Variants in PRKAA2 observed in about 807,000 individuals in gnomAD.
PRKAA2 encodes the protein protein kinase AMP-activated catalytic subunit alpha 2.
PRKAA2 carries 40 observed loss-of-function variants against 56.3 expected under a neutral mutation model. The ratio of observed to expected loss-of-function variants is 0.71; its 90% CI spans 0.55 to 0.92. The LOEUF is 0.92. Ranked by LOEUF, PRKAA2 falls within the 40% of genes least tolerant of loss-of-function variation. The pLI is 0.00. For synonymous variants in PRKAA2, 214 were observed against 234.2 expected, an observed-to-expected ratio of 0.91 and a Z score of 0.79; for missense variants, 542 against 686.9, an observed-to-expected ratio of 0.79 and a Z score of 2.36.
intron 2 of PRKAA2, among the ~76,000 whole-genome samples, chr1:56,679,813 G>T (rs1644140622): frequency 6.6e-6 from 1 of 151,972 alleles, no homozygotes; most frequent in Non-Finnish European, 1.5e-5. Flanking sequence ...TTGCTATCCT[G>T]AGACAGCAAG....
chr1:56,654,023 T>C (rs528111614), intron 1 of PRKAA2, among the ~76,000 whole-genome samples: 1 of 152,134 alleles, frequency 6.6e-6, no homozygotes, highest in East Asian at 1.9e-4. Flanking sequence ...TGGGTCATTT[T>C]AAAGTCCTGG....
At chr1:56,670,451 G>C (rs1179450349) in intron 1 of PRKAA2, among the ~76,000 whole-genome samples, 1 of 152,166 alleles carries the variant, frequency 6.6e-6, no homozygotes, top group Non-Finnish European at 1.5e-5. Flanking sequence ...CTAGGCTTCA[G>C]GATGAAGGAA....
Position 56,715,315 on chromosome 1 carries a change from C to G in PRKAA2, c.*7602C>G, listed in dbSNP as rs1298014352. ...TTTTTCACAAAATCAAATTAAAAGT[C>G]TCTGATTCATTTGAAAGCTATTTTT... On this transcript the variant is annotated 3_prime_UTR_variant, in exon 9 of 9. Coordinates refer to ENST00000371244, the MANE Select transcript of PRKAA2 (RefSeq NM_006252.4). The G allele has an allele frequency of 1.3e-5, 2 of 152,086 alleles. No homozygotes were observed. Among genetic ancestry groups the G allele is most frequent in the Admixed American group, 1.3e-4 (2 of 15,258 alleles). 9.4% of individuals were successfully genotyped at this position (152,086 alleles called of 1,614,324 possible).
At chr1:56,693,728 ATATC>A (rs1644242499) in intron 4 of PRKAA2, 33 bp from the exon 5 acceptor site, 1 of 1,413,366 alleles carries the variant, frequency 7.1e-7, no homozygotes, top group Non-Finnish European at 9.8e-7. Context: ...ACTTTTAAAA[ATATC>A]TAGCACCAAG....
intron 1 of PRKAA2, among the ~76,000 whole-genome samples, chr1:56,650,606 A>C (rs913617813): frequency 1.3e-5 from 2 of 152,234 alleles, no homozygotes; most frequent in African/African-American, 4.8e-5. Context: ...TGCATTTTCA[A>C]GATGAGTAGT....
At chr1:56,703,860 A>G (rs79491346) in intron 6 of PRKAA2, 111 bp from the exon 7 acceptor site, 26,861 of 1,211,508 alleles carry the variant, frequency 0.022, 645 homozygotes, top group South Asian at 0.093. Context: ...TGGCAGAGCT[A>G]GGTCTAGAGA....
intron 3 of PRKAA2, among the ~76,000 whole-genome samples, chr1:56,692,028 A>ATTTTTTTTTTTTTTTTTTTTTTTTTTTT (rs397863487): frequency 8.9e-6 from 1 of 112,804 alleles, no homozygotes; most frequent in Non-Finnish European, 1.8e-5. Context: ...GATGTCTCAG[A>ATTTTTTTTTTTTTTTTTTTTTTTTTTTT]TTTTTTTTTT....
chr1:56,663,779 G>A (rs1644013002), intron 1 of PRKAA2, among the ~76,000 whole-genome samples: 2 of 152,024 alleles, frequency 1.3e-5, no homozygotes, highest in Admixed American at 6.6e-5. Flanking sequence ...TGTGAGGGTG[G>A]TCTGCTGCTA....
intron 2 of PRKAA2, among the ~76,000 whole-genome samples, chr1:56,689,897 G>GACAC (rs3034077): frequency 3.5e-4 from 51 of 147,134 alleles, no homozygotes; most frequent in African/African-American, 6.8e-4. Context: ...CAGACACACA[G>GACAC]ACACACACAC....
Position 56,703,991 on chromosome 1 carries a change from A to C in PRKAA2, c.809A>C (p.Gln270Pro). 1 of 1,609,936 alleles carries C rather than the reference A, an allele frequency of 6.2e-7. No homozygotes were observed. The highest frequency in any genetic ancestry group is 1.1e-5 in the South Asian group (1 of 90,130). Residue 270 changes from glutamine (Q) to proline (P), a missense_variant, in exon 7 of 9, where the codon CAA (glutamine) becomes CCA (proline). Transcript: ENST00000371244. Reference protein sequence around the residue: ...KDIREHEWFKQDLPSYLFPED... With the variant: ...KDIREHEWFKPDLPSYLFPED... ...CCTAGAGAGCATGAATGGTTTAAAC[A>C]AGATTTGCCCAGTTACTTATTTCCT...
intron 2 of PRKAA2, among the ~76,000 whole-genome samples, 159 bp from the exon 3 acceptor site, chr1:56,691,235 G>A (rs191446653): frequency 2.0e-5 from 3 of 152,268 alleles, no homozygotes; most frequent in East Asian, 3.9e-4. Context: ...GTAATGGTCC[G>A]TGTTTATTGC....
At chr1:56,663,228 G>C (rs79697822) in intron 1 of PRKAA2, among the ~76,000 whole-genome samples, 59 of 152,264 alleles carry the variant, frequency 3.9e-4, no homozygotes, top group African/African-American at 1.4e-3. Flanking sequence ...TGAGACTGTA[G>C]GCCTGTGCCA....
intron 6 of PRKAA2, among the ~76,000 whole-genome samples, chr1:56,699,027 G>A (rs1644276801): frequency 6.6e-6 from 1 of 152,144 alleles, no homozygotes; most frequent in Non-Finnish European, 1.5e-5. Flanking sequence ...TTAGCTATGT[G>A]CAACTTAGTT....
chr1:56,678,184 A>G (rs552217031), intron 2 of PRKAA2, among the ~76,000 whole-genome samples: 1 of 152,386 alleles, frequency 6.6e-6, no homozygotes, highest in Admixed American at 6.5e-5. Flanking sequence ...TAATTCATTC[A>G]GCCACATTGC....
chr1:56,703,618 C>CT (rs1159378579), intron 6 of PRKAA2, among the ~76,000 whole-genome samples: 1 of 152,160 alleles, frequency 6.6e-6, no homozygotes, highest in Non-Finnish European at 1.5e-5. Flanking sequence ...ATCAGAAAGT[C>CT]TTTAAGTATT....
At position 56,704,036 on chromosome 1, in the gene PRKAA2, C is replaced by T. The variant is rs746162985; in HGVS notation, c.854C>T (p.Ala285Val). ...YLFPEDPSYD[A>V]NVIDDEAVKE... ...TTTCCTGAAGACCCTTCCTATGATGCTAACGTCATTGATGATGAGGCTGTG... is the reference window on the plus strand; with the variant it reads ...TTTCCTGAAGACCCTTCCTATGATGTTAACGTCATTGATGATGAGGCTGTG... The change falls in exon 7 of 9, where the codon GCT becomes GTT. Residue 285 changes from alanine (A) to valine (V), a missense_variant. Transcript: ENST00000371244. 1 of 1,613,798 alleles carries T rather than the reference C, an allele frequency of 6.2e-7. No individual in the cohort carries two copies. Among genetic ancestry groups the T allele is most frequent in the Non-Finnish European group, 8.5e-7 (1 of 1,179,720 alleles).
In PRKAA2 at chr1:56,710,261, GA is replaced by G. The variant is rs1375225165; in HGVS notation, c.*2550del. On this transcript the variant is annotated 3_prime_UTR_variant, in exon 9 of 9. Transcript: ENST00000371244. Reference sequence around the variant, plus strand: ...TGGAAATGGACTCCATGTAGTTCTAGAACTGCATTTCCCAAAGTATATCCTG... The same window carrying G: ...TGGAAATGGACTCCATGTAGTTCTAGACTGCATTTCCCAAAGTATATCCTG... The G allele has an allele frequency of 6.6e-6, 1 of 152,066 alleles. No homozygotes were observed. Among genetic ancestry groups the G allele is most frequent in the African/African-American group, 2.4e-5 (1 of 41,432 alleles). 9.4% of individuals were successfully genotyped at this position (152,066 alleles called of 1,614,324 possible). A position where few individuals can be genotyped will look rare whatever the true frequency, so the allele number is the denominator to read the frequency against.
intron 2 of PRKAA2, among the ~76,000 whole-genome samples, chr1:56,685,340 T>G (rs1644183781): frequency 6.6e-6 from 1 of 152,110 alleles, no homozygotes; most frequent in Admixed American, 6.6e-5. Context: ...AGTAAAAGAT[T>G]GATTGATGAC....
At chr1:56,668,303 T>C (rs1049188808) in intron 1 of PRKAA2, among the ~76,000 whole-genome samples, 3 of 150,686 alleles carry the variant, frequency 2.0e-5, no homozygotes, top group Non-Finnish European at 2.9e-5. Context: ...TTGGGAGATA[T>C]ACCTAATGTT....
Sources: gnomAD v4.1 joint callset for allele counts (sites outside exome capture counted in the v4.1 genomes callset) on GRCh38, gnomAD v4.1.1 for gene constraint, MANE v1.5 for transcripts, NCBI Gene and HGNC (gene_info 2026-07-23, HGNC 2026-07-21) for gene names.